Variants in KAT6B observed in about 807,000 individuals in gnomAD.
KAT6B encodes the protein lysine acetyltransferase 6B.
KAT6B carries 10 observed loss-of-function variants against 187.5 expected under a neutral mutation model. The ratio of observed to expected loss-of-function variants is 0.05; its 90% confidence interval spans 0.03 to 0.09. The LOEUF is 0.09. KAT6B is among the 10% of genes least tolerant of loss of function. The probability of loss-of-function intolerance (pLI) is 1.00; values close to 1 mark genes in which losing one functional copy is unlikely to be tolerated. For missense variants in KAT6B, 1,952 were observed against 2,558.9 expected (o/e 0.76, Z 5.12); for synonymous variants, 861 against 926.8 (o/e 0.93, Z 1.29).
intron 4 of KAT6B, among the ~76,000 whole-genome samples, chr10:74,966,584 AG>A (rs1841488152): frequency 6.6e-6 from 1 of 152,252 alleles, no homozygotes; most frequent in Admixed American, 6.5e-5. Flanking sequence ...GTAAGCTACT[AG>A]TACTTGACAA....
At chr10:74,867,824 G>T (rs1843662133) in intron 3 of KAT6B, among the ~76,000 whole-genome samples, 1 of 152,192 alleles carries the variant, frequency 6.6e-6, no homozygotes, top group Non-Finnish European at 1.5e-5. Context: ...CTATCTTAAA[G>T]GGTGGTCAGT....
At chr10:75,008,338 T>A (rs1033509749) in intron 13 of KAT6B, among the ~76,000 whole-genome samples, 6 of 152,198 alleles carry the variant, frequency 3.9e-5, no homozygotes, top group African/African-American at 1.4e-4. Context: ...GCTGAGCAGT[T>A]CTAAAATTTG....
intron 13 of KAT6B, among the ~76,000 whole-genome samples, chr10:75,020,203 G>T (rs746899996): frequency 7.9e-5 from 12 of 152,300 alleles, no homozygotes; most frequent in Admixed American, 3.9e-4. Flanking sequence ...GTGGTCCCTC[G>T]ACAGGATTTC....
At chr10:74,992,937 G>A (rs1422026668) in intron 13 of KAT6B, among the ~76,000 whole-genome samples, 1 of 152,156 alleles carries the variant, frequency 6.6e-6, no homozygotes, top group African/African-American at 2.4e-5. Flanking sequence ...AGTGACTATC[G>A]TGGATTGGTT....
chr10:74,843,962 C>T (rs1841929454), intron 3 of KAT6B, among the ~76,000 whole-genome samples: 1 of 152,130 alleles, frequency 6.6e-6, no homozygotes, highest in Non-Finnish European at 1.5e-5. Context: ...CAACCTCTGC[C>T]TCCCAGGTTT....
At chr10:74,870,839 AT>A (rs536490304) in intron 3 of KAT6B, among the ~76,000 whole-genome samples, 196 of 148,828 alleles carry the variant, frequency 1.3e-3, no homozygotes, top group African/African-American at 4.5e-3. Context: ...GGCCTCCCAA[AT>A]TGCTGGGATG....
chr10:74,981,291 C>A (rs1474077590), intron 10 of KAT6B, among the ~76,000 whole-genome samples: 1 of 148,098 alleles, frequency 6.8e-6, no homozygotes, highest in South Asian at 2.2e-4. Flanking sequence ...TATTGGCTGG[C>A]TTTCTTTCTT....
intron 3 of KAT6B, among the ~76,000 whole-genome samples, chr10:74,913,794 G>A (rs983743489): frequency 6.6e-6 from 1 of 152,218 alleles, no homozygotes; most frequent in African/African-American, 2.4e-5. Context: ...ATCTCCCAGG[G>A]TTTCCCCAGC....
intron 12 of KAT6B, among the ~76,000 whole-genome samples, chr10:74,988,289 A>G (rs902772684): frequency 1.2e-4 from 19 of 152,196 alleles, no homozygotes; most frequent in African/African-American, 4.6e-4. Context: ...GCCACATCCC[A>G]TGAAAGTTGC....
chr10:74,861,826 A>C (rs1843210126), intron 3 of KAT6B, among the ~76,000 whole-genome samples: 1 of 152,186 alleles, frequency 6.6e-6, no homozygotes, highest in African/African-American at 2.4e-5. Flanking sequence ...GCTTTTCCCA[A>C]ATGATGTTCT....
At chr10:74,907,675 G>T (rs1476673215) in intron 3 of KAT6B, among the ~76,000 whole-genome samples, 1 of 151,932 alleles carries the variant, frequency 6.6e-6, no homozygotes, top group Admixed American at 6.5e-5. Context: ...GATTACAAGT[G>T]CCCACCACTA....
chr10:74,963,323 G>C (rs1358695573), intron 4 of KAT6B, among the ~76,000 whole-genome samples: 1 of 152,156 alleles, frequency 6.6e-6, no homozygotes. Context: ...ATGAAATTTT[G>C]TGTCTGCTGC....
chr10:74,936,467 T>A (rs1053847502), intron 3 of KAT6B, among the ~76,000 whole-genome samples: 5 of 152,112 alleles, frequency 3.3e-5, no homozygotes, highest in East Asian at 3.8e-4. Context: ...CAGGTATTTT[T>A]AAAAAATAAT....
chr10:74,883,841 G>C (rs559239852), intron 3 of KAT6B, among the ~76,000 whole-genome samples: 1 of 152,104 alleles, frequency 6.6e-6, no homozygotes, highest in African/African-American at 2.4e-5. Flanking sequence ...GTGCTTCTTA[G>C]CCCTCTCATT....
At chr10:74,864,082 T>G (rs1394639374) in intron 3 of KAT6B, among the ~76,000 whole-genome samples, 2 of 152,208 alleles carry the variant, frequency 1.3e-5, no homozygotes, top group East Asian at 1.9e-4. Flanking sequence ...TGTTGTTGTT[T>G]TTTTGAGACA....
At chr10:74,949,491 C>G (rs977697737) in intron 3 of KAT6B, among the ~76,000 whole-genome samples, 5 of 152,130 alleles carry the variant, frequency 3.3e-5, no homozygotes, top group Admixed American at 2.6e-4. Context: ...TTGTTAAATG[C>G]AGTATGTAGG....
chr10:74,882,857 G>T (rs1422015573), intron 3 of KAT6B, among the ~76,000 whole-genome samples: 3 of 152,142 alleles, frequency 2.0e-5, no homozygotes, highest in Non-Finnish European at 2.9e-5. Context: ...TGTTTGTTTG[G>T]TTCACATAGT....
intron 3 of KAT6B, among the ~76,000 whole-genome samples, chr10:74,846,919 A>T (rs956474522): frequency 2.0e-5 from 3 of 152,234 alleles, no homozygotes; most frequent in African/African-American, 7.2e-5. Context: ...GCAATTTAAT[A>T]GTATGTTTCA....
upstream of KAT6B, among the ~76,000 whole-genome samples, chr10:74,825,860 G>C (rs765461080): frequency 3.9e-4 from 59 of 151,938 alleles, no homozygotes; most frequent in Non-Finnish European, 6.9e-4. This position sits in a 1 kb window ranked among gnomAD's most constrained non-coding sequence, Gnocchi z 5.0. Context: ...GGCAGGGTAG[G>C]GGTGTGTTGG....
Sources: allele counts gnomAD v4.1 joint callset (sites outside exome capture counted in the v4.1 genomes callset), GRCh38; gene constraint gnomAD v4.1.1; non-coding constraint Gnocchi (gnomAD v3.1); transcripts MANE v1.5; gene names NCBI Gene and HGNC (gene_info 2026-07-23, HGNC 2026-07-21).